Variants in PPP2R5C observed in about 807,000 individuals in gnomAD.
PPP2R5C encodes serine/threonine-protein phosphatase 2A 56 kDa regulatory subunit gamma isoform.
Under a neutral mutation model 68.9 loss-of-function variants are expected in PPP2R5C, and 7 were observed. That is an observed-to-expected ratio of 0.10 (90% CI 0.06 to 0.19). PPP2R5C has a LOEUF of 0.19. Among genes scored for constraint, PPP2R5C ranks in the 10% least tolerant of loss-of-function variants. PPP2R5C has a pLI of 1.00. For missense variants in PPP2R5C, 348 were observed against 641.3 expected, an observed-to-expected ratio of 0.54 and a Z score of 4.94; for synonymous variants, 210 against 222.2, an observed-to-expected ratio of 0.95 and a Z score of 0.49.
chr14:101,916,287 A>C lies in PPP2R5C; in HGVS notation c.1327-1544A>C, dbSNP rs1321396236. On this transcript the variant is annotated intron_variant, in intron 12 of 13. Coordinates refer to ENST00000334743, the Ensembl canonical transcript of PPP2R5C. This position sits in a 1 kb window ranked among gnomAD's most constrained non-coding sequence, Gnocchi z 5.5. Reference sequence around the variant, plus strand: ...TGAGGACCTGGTCTGACTGGCCTTCAAGGAAGGAACCCAGCTGAGGGTGTG... The same window carrying C: ...TGAGGACCTGGTCTGACTGGCCTTCCAGGAAGGAACCCAGCTGAGGGTGTG... Among the ~76,000 whole-genome samples the C allele has an allele frequency of 6.6e-6, 1 of 152,106 alleles. No homozygotes were observed. Among genetic ancestry groups the C allele is most frequent in the Non-Finnish European group, 1.5e-5 (1 of 68,012 alleles).
chr14:101,764,024 T>C (rs2036710631), intron 2 of PPP2R5C, among the ~76,000 whole-genome samples: 3 of 146,148 alleles, frequency 2.1e-5, no homozygotes, highest in African/African-American at 7.6e-5. Flanking sequence ...TGTGTGTGTG[T>C]GTGTGGGCGC....
chr14:101,909,735 T>G, intron 11 of PPP2R5C, 45 bp downstream of exon 13: 3 of 1,438,858 alleles, frequency 2.1e-6, no homozygotes, highest in Non-Finnish European at 2.9e-6. Context: ...GATTTTTTTC[T>G]TAATCCTAAG....
chr14:101,798,064 A>G (rs969672277), intron 3 of PPP2R5C, among the ~76,000 whole-genome samples: 2 of 152,084 alleles, frequency 1.3e-5, no homozygotes, highest in East Asian at 1.9e-4. Flanking sequence ...GAAAAAGTCT[A>G]TTTTAAACTG....
chr14:101,814,651 T>C (rs572688458), intron 1 of PPP2R5C, among the ~76,000 whole-genome samples: 1 of 152,304 alleles, frequency 6.6e-6, no homozygotes, highest in East Asian at 1.9e-4. Flanking sequence ...TAAAGTATGT[T>C]GTGTAGAGGA....
intron 13 of PPP2R5C, chr14:101,921,985 TGGTC>T: frequency 1.0e-6 from 1 of 985,208 alleles, no homozygotes; most frequent in Non-Finnish European, 1.2e-6. Flanking sequence ...TTTTAACAGT[TGGTC>T]GGGAGAAAAG....
rs2045699954 is a variant in PPP2R5C at position 101,901,653 on chromosome 14, C to T, written c.853-66C>T. The T allele has an allele frequency of 9.7e-6, 15 of 1,540,264 alleles. No homozygotes were observed. In the Admixed American group the frequency reaches 2.6e-4, roughly 26 times the overall value. ...GGGGCCACCGCAGTGAAAACACAGACTTCTTACCATGCAGGTGTTGGGGCC... is the reference window on the plus strand; with the variant it reads ...GGGGCCACCGCAGTGAAAACACAGATTTCTTACCATGCAGGTGTTGGGGCC... On this transcript the variant is annotated intron_variant, in intron 8 of 13. Coordinates refer to ENST00000334743, the Ensembl canonical transcript of PPP2R5C.
exon 14 of PPP2R5C, chr14:101,925,288 G>A (rs1327945731): frequency 1.9e-6 from 3 of 1,610,742 alleles, no homozygotes; most frequent in Non-Finnish European, 2.5e-6. Context: ...GGGGCGCCGC[G>A]TCGGGGCCGG....
intron 1 of PPP2R5C, among the ~76,000 whole-genome samples, chr14:101,834,685 A>T (rs2040969490): frequency 1.3e-5 from 2 of 152,298 alleles, no homozygotes; most frequent in African/African-American, 4.8e-5. Context: ...CATACTGAGG[A>T]TTTATTAAGA....
chr14:101,884,815 G>A (rs1347880005), intron 5 of PPP2R5C, among the ~76,000 whole-genome samples: 8 of 152,348 alleles, frequency 5.3e-5, no homozygotes, highest in African/African-American at 1.7e-4. Flanking sequence ...CGGTGGGTCT[G>A]GTCTCCCGCA....
At chr14:101,771,267 T>TGTA (rs2037139679) in intron 2 of PPP2R5C, among the ~76,000 whole-genome samples, 2 of 84,112 alleles carry the variant, frequency 2.4e-5, no homozygotes, top group Non-Finnish European at 5.1e-5. Context: ...GTGTGTGTAT[T>TGTA]TTTTTGAGAC....
In PPP2R5C at chr14:101,882,486, G is replaced by T. The variant is rs1034306487; in HGVS notation, c.405+215G>T. 1.2e-5 allele frequency: 5 copies of T among 433,072 alleles called. No individual in the cohort carries two copies. Among genetic ancestry groups the T allele is most frequent in the Non-Finnish European group, 2.1e-5 (5 of 242,556 alleles). 26.8% of individuals were successfully genotyped at this position (433,072 alleles called of 1,614,324 possible). ...CAACAGCCAGTGAAGATGTGTAATTGTGAGTATGTTCTCAGTGAAGATGGC... is the reference window on the plus strand; with the variant it reads ...CAACAGCCAGTGAAGATGTGTAATTTTGAGTATGTTCTCAGTGAAGATGGC... On this transcript the variant is annotated intron_variant, in intron 3 of 13. Coordinates refer to ENST00000334743, the Ensembl canonical transcript of PPP2R5C. This position sits in a 1 kb window ranked among gnomAD's most constrained non-coding sequence, Gnocchi z 4.9.
chr14:101,808,213 A>G (rs559787122), upstream of PPP2R5C, among the ~76,000 whole-genome samples: 1 of 151,866 alleles, frequency 6.6e-6, no homozygotes, highest in African/African-American at 2.4e-5. Flanking sequence ...GTCAGCAGTG[A>G]AGGCTTAGAG....
Position 101,899,314 on chromosome 14 carries a change from C to A in PPP2R5C, c.853-2405C>A, listed in dbSNP as rs1162002358. ...GGTCTACCAGGACAGGAAGGGGGCT[C>A]CCCAAGACTCAAGGCTGGGGCCACT... is the stretch of plus-strand genomic sequence containing the variant. On this transcript the variant is annotated intron_variant, in intron 8 of 13. Coordinates refer to ENST00000334743, the Ensembl canonical transcript of PPP2R5C. The surrounding 1 kb of genome is among the most constrained non-coding windows in gnomAD (Gnocchi z 4.2). Among the ~76,000 whole-genome samples, 1 of 152,210 alleles carries A rather than the reference C, an allele frequency of 6.6e-6. No homozygotes were observed. Among genetic ancestry groups the A allele is most frequent in the African/African-American group, 2.4e-5 (1 of 41,468 alleles).
rs1335748256 is a variant in PPP2R5C at position 101,797,220 on chromosome 14, C to T, written c.259+11037C>T. On this transcript the variant is annotated intron_variant, in intron 3 of 14. Coordinates refer to the PPP2R5C transcript ENST00000328724. This position sits in a 1 kb window ranked among gnomAD's most constrained non-coding sequence, Gnocchi z 4.2. ...ACATAATATCTTCCAGGTCCCCCCA[C>T]ATTGTAGCACGTGCCAGACCCTCGC... is the stretch of plus-strand genomic sequence containing the variant. 4.4e-6 allele frequency: 2 copies of T among 455,990 alleles called. No individual in the cohort carries two copies. Among genetic ancestry groups the T allele is most frequent in the Non-Finnish European group, 8.8e-6 (2 of 226,814 alleles). The allele number at this position is 455,990 out of a possible 1,614,324, so 28.2% of individuals were successfully genotyped here. A position where few individuals can be genotyped will look rare whatever the true frequency, so the allele number is the denominator to read the frequency against.
chr14:101,902,825 G>A (rs1256079176), intron 9 of PPP2R5C, among the ~76,000 whole-genome samples: 1 of 152,132 alleles, frequency 6.6e-6, no homozygotes, highest in African/African-American at 2.4e-5. Context: ...AAGACAAGAA[G>A]GCAAGTGATA....
At chr14:101,864,946 G>C (rs538358419) in intron 2 of PPP2R5C, among the ~76,000 whole-genome samples, 1 of 152,322 alleles carries the variant, frequency 6.6e-6, no homozygotes, top group Admixed American at 6.5e-5. Context: ...CATTTCAGGA[G>C]AGAAGTGGTG....
chr14:101,881,360 A>G (rs2044161591), intron 2 of PPP2R5C, among the ~76,000 whole-genome samples: 1 of 152,230 alleles, frequency 6.6e-6, no homozygotes, highest in African/African-American at 2.4e-5. Flanking sequence ...AGTTCGCACC[A>G]CTACACTCCA....
At chr14:101,840,809 T>C (rs1438989162) in intron 1 of PPP2R5C, among the ~76,000 whole-genome samples, 2 of 152,176 alleles carry the variant, frequency 1.3e-5, no homozygotes, top group Non-Finnish European at 2.9e-5. Context: ...GAACCAGACA[T>C]TGTCAAATTG....
Position 101,891,944 on chromosome 14 carries a change from GTTT to G in PPP2R5C, c.690-1051_690-1049del, listed in dbSNP as rs992939121. Among the ~76,000 whole-genome samples the G allele has an allele frequency of 1.3e-5, 2 of 152,054 alleles. No individual in the cohort carries two copies. The highest frequency in any genetic ancestry group is 2.4e-5 in the African/African-American group (1 of 41,404). Reference sequence around the variant, plus strand: ...TTCTTGCACAAGGGAACAGCTTTCTGTTTTTTTGTTTGTTTTTTGTTTTTGTTT... The same window carrying G: ...TTCTTGCACAAGGGAACAGCTTTCTGTTTTGTTTGTTTTTTGTTTTTGTTT... On this transcript the variant is annotated intron_variant, in intron 6 of 13. Transcript: ENST00000334743. The surrounding 1 kb of genome is among the most constrained non-coding windows in gnomAD (Gnocchi z 4.9).
Sources: allele counts gnomAD v4.1 joint callset (sites outside exome capture counted in the v4.1 genomes callset), GRCh38; gene constraint gnomAD v4.1.1; non-coding constraint Gnocchi (gnomAD v3.1); transcripts MANE v1.5; gene names NCBI Gene and HGNC (gene_info 2026-07-23, HGNC 2026-07-21).